The following PPARGC1A variants were observed in gnomAD, a reference collection of about 807,000 sequenced individuals.
PPARGC1A encodes the protein peroxisome proliferator-activated receptor gamma coactivator 1-alpha.
PPARGC1A carries 25 observed loss-of-function variants against 88.7 expected under a neutral mutation model. The ratio of observed to expected loss-of-function variants is 0.28; its 90% CI spans 0.21 to 0.39. The LOEUF is 0.39. PPARGC1A is among the 10% of genes least tolerant of loss of function. PPARGC1A has a pLI of 1.00. For missense variants in PPARGC1A, 880 were observed against 968.7 expected (o/e 0.91, Z 1.22); for synonymous variants, 363 against 355.6 (o/e 1.02, Z -0.24).
the PPARGC1A span, among the ~76,000 whole-genome samples, chr4:24,008,174 T>C: frequency 1.3e-5 from 2 of 152,190 alleles, no homozygotes; most frequent in South Asian, 4.1e-4. Flanking sequence ...TTGACCAGCC[T>C]GGACTCTGTC....
At chr4:24,146,169 A>T in the PPARGC1A span, among the ~76,000 whole-genome samples, 5 of 152,340 alleles carry the variant, frequency 3.3e-5, 1 homozygote, top group East Asian at 5.8e-4. Flanking sequence ...TGGACCAAAG[A>T]AACTTTTGAG....
chr4:23,947,273 G>A, the PPARGC1A span, among the ~76,000 whole-genome samples: 3 of 149,920 alleles, frequency 2.0e-5, no homozygotes, highest in African/African-American at 4.9e-5. Context: ...ACTATAGTAA[G>A]TGCTTTACAT....
At chr4:24,094,115 G>A in the PPARGC1A span, among the ~76,000 whole-genome samples, 164 of 152,266 alleles carry the variant, frequency 1.1e-3, 2 homozygotes, top group Middle Eastern at 3.4e-3. Context: ...CTGCAGATGC[G>A]TGTGTTGCTA....
At chr4:23,856,767 C>G (rs1730256895) in intron 2 of PPARGC1A, among the ~76,000 whole-genome samples, 1 of 152,088 alleles carries the variant, frequency 6.6e-6, no homozygotes, top group African/African-American at 2.4e-5. Context: ...ACATTGAATA[C>G]ATACTGGGGA....
chr4:23,846,897 A>T (rs1006812900), intron 2 of PPARGC1A, among the ~76,000 whole-genome samples: 1 of 152,204 alleles, frequency 6.6e-6, no homozygotes, highest in African/African-American at 2.4e-5. Context: ...ATTTACAAAA[A>T]CAGGGCACAA....
At chr4:24,131,674 T>C in the PPARGC1A span, among the ~76,000 whole-genome samples, 1 of 152,214 alleles carries the variant, frequency 6.6e-6, no homozygotes, top group East Asian at 1.9e-4. Context: ...AACCACATTA[T>C]CTAAAACATG....
At chr4:23,854,667 T>C (rs923180399) in intron 2 of PPARGC1A, among the ~76,000 whole-genome samples, 16 of 149,444 alleles carry the variant, frequency 1.1e-4, no homozygotes, top group Non-Finnish European at 2.2e-4. Flanking sequence ...TGTACTAAAC[T>C]GTTTGGTTCA....
intron 2 of PPARGC1A, among the ~76,000 whole-genome samples, chr4:23,854,600 T>A (rs1729860624): frequency 2.0e-5 from 3 of 152,188 alleles, no homozygotes. Context: ...ATAAGAACTA[T>A]ATAAATGAAG....
the PPARGC1A span, among the ~76,000 whole-genome samples, chr4:24,435,722 C>T: frequency 6.6e-6 from 1 of 152,182 alleles, no homozygotes; most frequent in Non-Finnish European, 1.5e-5. Flanking sequence ...CGTTTACAAC[C>T]ACCCCACTAA....
the PPARGC1A span, among the ~76,000 whole-genome samples, chr4:24,134,261 A>G: frequency 2.6e-5 from 4 of 152,352 alleles, no homozygotes; most frequent in Middle Eastern, 0.01. Flanking sequence ...TGATCCCACT[A>G]TGCATCTTGA....
the PPARGC1A span, among the ~76,000 whole-genome samples, chr4:24,201,645 T>C: frequency 6.6e-6 from 1 of 152,232 alleles, no homozygotes; most frequent in Non-Finnish European, 1.5e-5. Flanking sequence ...TTAGATTATA[T>C]AAGGAACATA....
the PPARGC1A span, among the ~76,000 whole-genome samples, chr4:24,446,014 G>A: frequency 3.0e-4 from 45 of 152,110 alleles, no homozygotes; most frequent in Admixed American, 2.0e-3. Flanking sequence ...TGCAGTGAGC[G>A]GAGATCACGT....
At chr4:24,328,933 C>T in the PPARGC1A span, among the ~76,000 whole-genome samples, 3 of 152,330 alleles carry the variant, frequency 2.0e-5, no homozygotes, top group South Asian at 2.1e-4. Flanking sequence ...CACACTGCCT[C>T]GGACTGGCCA....
chr4:23,808,107 C>T (rs1443238685), intron 10 of PPARGC1A, among the ~76,000 whole-genome samples: 4 of 151,838 alleles, frequency 2.6e-5, no homozygotes, highest in Admixed American at 6.6e-5. Flanking sequence ...AAAAATTAGC[C>T]GGGCGTGGTG....
At chr4:24,189,947 T>C in the PPARGC1A span, among the ~76,000 whole-genome samples, 2 of 152,110 alleles carry the variant, frequency 1.3e-5, no homozygotes, top group Admixed American at 6.5e-5. Flanking sequence ...TGCAAGCCCT[T>C]GCCACTTCCT....
chr4:23,968,137 T>C, the PPARGC1A span, among the ~76,000 whole-genome samples: 1 of 152,176 alleles, frequency 6.6e-6, no homozygotes, highest in African/African-American at 2.4e-5. Context: ...CAGAACAGCC[T>C]CCAGATCCCA....
chr4:23,803,822 C>T (rs766550639), intron 10 of PPARGC1A, among the ~76,000 whole-genome samples: 14 of 152,150 alleles, frequency 9.2e-5, no homozygotes, highest in Non-Finnish European at 1.5e-4. Flanking sequence ...TTTGGATGTA[C>T]TGAGAGTCCC....
At chr4:24,122,457 AG>A in the PPARGC1A span, among the ~76,000 whole-genome samples, 1 of 149,902 alleles carries the variant, frequency 6.7e-6, no homozygotes, top group East Asian at 2.1e-4. Flanking sequence ...AGAGAGAGAG[AG>A]AGATCTATAT....
the PPARGC1A span, among the ~76,000 whole-genome samples, chr4:24,159,246 C>G: frequency 2.3e-5 from 3 of 129,908 alleles, no homozygotes; most frequent in Non-Finnish European, 4.7e-5. Flanking sequence ...GAGCCTCGCT[C>G]TGTTGCCAGG....
Sources: gnomAD v4.1 joint callset for allele counts (sites outside exome capture counted in the v4.1 genomes callset) on GRCh38, gnomAD v4.1.1 for gene constraint, MANE v1.5 for transcripts, NCBI Gene and HGNC (gene_info 2026-07-23, HGNC 2026-07-21) for gene names.